The following UHRF2 variants were observed in gnomAD, a reference collection of about 807,000 sequenced individuals.
The protein encoded by UHRF2 is ubiquitin like with PHD and ring finger domains 2.
Under a neutral mutation model 96.8 loss-of-function variants are expected in UHRF2, and 23 were observed. The observed-to-expected ratio is 0.24, with a 90% CI of 0.17 to 0.34. The LOEUF is 0.34. UHRF2 is among the 10% of genes least tolerant of loss of function. The probability of loss-of-function intolerance (pLI) is 1.00; values close to 1 mark genes in which losing one functional copy is unlikely to be tolerated. For synonymous variants in UHRF2, 385 were observed against 332.6 expected (o/e 1.16, Z -1.72); for missense variants, 685 against 981.5 (o/e 0.70, Z 4.04).
At chr9:6,505,811 A>C (rs201009074) in intron 15 of UHRF2, among the ~76,000 whole-genome samples, 126 of 152,328 alleles carry the variant, frequency 8.3e-4, no homozygotes, top group Non-Finnish European at 1.6e-3. Flanking sequence ...CTGATGCACA[A>C]ATTACATAAA....
intron 3 of UHRF2, 86 bp downstream of exon 3, chr9:6,434,259 C>T: frequency 2.1e-6 from 3 of 1,435,648 alleles, no homozygotes; most frequent in Non-Finnish European, 2.8e-6. Flanking sequence ...TTTAAATAGT[C>T]TTTCTGAAGA....
chr9:6,489,196 T>G (rs902061084), intron 9 of UHRF2, among the ~76,000 whole-genome samples: 4 of 152,206 alleles, frequency 2.6e-5, no homozygotes, highest in African/African-American at 9.7e-5. Context: ...AGGATTGGCT[T>G]TTTCCACTCA....
chr9:6,438,973 A>C (rs1446380131), intron 3 of UHRF2, among the ~76,000 whole-genome samples: 2 of 152,228 alleles, frequency 1.3e-5, no homozygotes, highest in African/African-American at 4.8e-5. Flanking sequence ...AAAAAAATTT[A>C]AGATATAGTA....
chr9:6,469,119 C>A (rs74781935), intron 4 of UHRF2, among the ~76,000 whole-genome samples: 3,016 of 152,210 alleles, frequency 0.02, 101 homozygotes, highest in African/African-American at 0.069. Flanking sequence ...GATTAATATG[C>A]TGAAAACATG....
At chr9:6,427,439 C>A (rs886508090) in intron 2 of UHRF2, among the ~76,000 whole-genome samples, 2 of 152,138 alleles carry the variant, frequency 1.3e-5, no homozygotes, top group African/African-American at 4.8e-5. Flanking sequence ...GTAATCCCAG[C>A]ACTTTGGGAG....
Position 6,502,999 on chromosome 9 carries a change from G to T in UHRF2, c.2164-1594G>T, listed in dbSNP as rs1224090204. Among the ~76,000 whole-genome samples, 3 of 152,072 alleles carry T rather than the reference G, an allele frequency of 2.0e-5. No individual in the cohort carries two copies. The East Asian group carries it at 5.8e-4, about 29-fold the overall frequency. Reference sequence around the variant, plus strand: ...TGAAACTTGTAAGGTTTTTTTGTTTGTTTGTTTGTTTTTGAGACGGAGTTG... The same window carrying T: ...TGAAACTTGTAAGGTTTTTTTGTTTTTTTGTTTGTTTTTGAGACGGAGTTG... On this transcript the variant is annotated intron_variant, in intron 14 of 15. Transcript: ENST00000276893.
intron 3 of UHRF2, among the ~76,000 whole-genome samples, chr9:6,449,796 C>T (rs1821740540): frequency 6.6e-6 from 1 of 152,094 alleles, no homozygotes; most frequent in South Asian, 2.1e-4. Flanking sequence ...GTTATCAGCC[C>T]CTAATTATCT....
Position 6,506,275 on chromosome 9 carries a change from C to A in UHRF2, c.*96C>A. ...GTGGAAGAAATGGTGGACTGTATCT[C>A]TCACGTTCTGAAGCAGCTAATCCTC... On this transcript the variant is annotated 3_prime_UTR_variant, in exon 16 of 16. Coordinates refer to ENST00000276893, the MANE Select transcript of UHRF2 (RefSeq NM_152896.3). 1 of 1,492,016 alleles carries A rather than the reference C, an allele frequency of 6.7e-7. No individual in the cohort carries two copies. The highest frequency in any genetic ancestry group is 9.1e-7 in the Non-Finnish European group (1 of 1,100,714). The allele number at this position is 1,492,016 out of a possible 1,614,324, so 92.4% of individuals were successfully genotyped here.
At chr9:6,431,379 A>C (rs943112118) in intron 2 of UHRF2, among the ~76,000 whole-genome samples, 1 of 152,114 alleles carries the variant, frequency 6.6e-6, no homozygotes. Flanking sequence ...AGACCAAGGA[A>C]AGAGGATTGT....
At chr9:6,468,368 G>A (rs765942410) in intron 4 of UHRF2, 18 of 446,640 alleles carry the variant, frequency 4.0e-5, no homozygotes, top group South Asian at 2.8e-4. Context: ...GGGACAGCTG[G>A]CAGTAGATTA....
intron 9 of UHRF2, among the ~76,000 whole-genome samples, chr9:6,487,986 A>G (rs1007817567): frequency 5.3e-5 from 8 of 152,050 alleles, no homozygotes; most frequent in South Asian, 2.1e-4. Flanking sequence ...CATGCCTGTA[A>G]TCCCAGCACT....
chr9:6,448,055 A>G (rs1397186765), intron 3 of UHRF2, among the ~76,000 whole-genome samples: 2 of 152,190 alleles, frequency 1.3e-5, no homozygotes, highest in Non-Finnish European at 2.9e-5. Flanking sequence ...ATGGAAGGAG[A>G]TGCTAGCATG....
chr9:6,505,905 C>G, intron 15 of UHRF2, 128 bp from the exon 16 acceptor site: 1 of 965,730 alleles, frequency 1.0e-6, no homozygotes, highest in Non-Finnish European at 1.5e-6. Context: ...AGATTCAAGC[C>G]TTTATGTTTG....
At chr9:6,485,868 C>T (rs1824260430) in intron 8 of UHRF2, among the ~76,000 whole-genome samples, 1 of 146,278 alleles carries the variant, frequency 6.8e-6, no homozygotes, top group Non-Finnish European at 1.5e-5. Flanking sequence ...AGATGAACTG[C>T]AATACCTTTT....
chr9:6,432,526 GCT>G (rs1292153774), intron 2 of UHRF2, among the ~76,000 whole-genome samples: 2 of 152,098 alleles, frequency 1.3e-5, no homozygotes, highest in Non-Finnish European at 2.9e-5. Flanking sequence ...CATTTCATTA[GCT>G]TTAACCTAGA....
At chr9:6,469,195 T>C (rs183049123) in intron 4 of UHRF2, among the ~76,000 whole-genome samples, 31 of 152,326 alleles carry the variant, frequency 2.0e-4, no homozygotes, top group Admixed American at 3.9e-4. Context: ...CTGAGAATTA[T>C]AGTTTCCTAA....
At chr9:6,470,581 A>G (rs1312007348) in intron 4 of UHRF2, among the ~76,000 whole-genome samples, 1 of 152,160 alleles carries the variant, frequency 6.6e-6, no homozygotes, top group African/African-American at 2.4e-5. Context: ...GGAAAGGGTA[A>G]ATGTATGAGT....
intron 11 of UHRF2, 29 bp from the exon 12 acceptor site, chr9:6,497,989 C>G (rs1300397669): frequency 2.5e-6 from 4 of 1,607,790 alleles, no homozygotes; most frequent in Middle Eastern, 2.2e-4. Flanking sequence ...TTTTAAATCT[C>G]AAACTGGCAC....
At chr9:6,489,048 GACCCGCCT>G (rs1407405839) in intron 9 of UHRF2, among the ~76,000 whole-genome samples, 1 of 151,960 alleles carries the variant, frequency 6.6e-6, no homozygotes, top group East Asian at 1.9e-4. Flanking sequence ...GACCTCAAGT[GACCCGCCT>G]ACCTCAGCCT....
Sources: gnomAD v4.1 joint callset for allele counts (sites outside exome capture counted in the v4.1 genomes callset) on GRCh38, gnomAD v4.1.1 for gene constraint, MANE v1.5 for transcripts, NCBI Gene and HGNC (gene_info 2026-07-23, HGNC 2026-07-21) for gene names.